Variants in DYM observed in about 807,000 individuals in gnomAD.
DYM encodes dyggve-Melchior-Clausen syndrome protein.
In DYM, 78 loss-of-function variants were observed where a neutral mutation model predicts 93.1. The ratio of observed to expected loss-of-function variants is 0.84; its 90% confidence interval spans 0.70 to 1.01. DYM has a LOEUF of 1.01. DYM is among the 50% of genes least tolerant of loss of function. DYM has a pLI of 0.00. For synonymous variants in DYM, 321 were observed against 319.7 expected, an observed-to-expected ratio of 1.00 and a Z score of -0.04; for missense variants, 789 against 845.0, an observed-to-expected ratio of 0.93 and a Z score of 0.82.
chr18:49,290,983 C>T (rs1178646038), intron 8 of DYM, among the ~76,000 whole-genome samples: 1 of 152,112 alleles, frequency 6.6e-6, no homozygotes, highest in Non-Finnish European at 1.5e-5. Context: ...AGGACAAAGC[C>T]CTGTAATTTT....
intron 15 of DYM, among the ~76,000 whole-genome samples, chr18:49,145,477 C>T (rs1188311381): frequency 1.3e-5 from 2 of 151,934 alleles, no homozygotes; most frequent in Non-Finnish European, 2.9e-5. Context: ...CATCAAAGAA[C>T]AAAAAATATT....
At chr18:49,338,230 A>C (rs1050481871) in intron 6 of DYM, among the ~76,000 whole-genome samples, 1 of 152,212 alleles carries the variant, frequency 6.6e-6, no homozygotes, top group African/African-American at 2.4e-5. Flanking sequence ...AGAATAACTA[A>C]AATGTTTGGA....
At chr18:49,109,052 C>T (rs765551319) in intron 16 of DYM, among the ~76,000 whole-genome samples, 16 of 151,384 alleles carry the variant, frequency 1.1e-4, no homozygotes, top group African/African-American at 2.4e-4. Context: ...TTAATGCTTA[C>T]GTAGTAAAAG....
At chr18:49,152,389 C>T (rs1304467121) in intron 15 of DYM, among the ~76,000 whole-genome samples, 2 of 152,172 alleles carry the variant, frequency 1.3e-5, no homozygotes, top group Non-Finnish European at 2.9e-5. Flanking sequence ...TTGGAACTCT[C>T]AGGTCCTAGC....
intron 1 of DYM, among the ~76,000 whole-genome samples, chr18:49,433,743 C>T (rs1803509611): frequency 6.6e-6 from 1 of 151,976 alleles, no homozygotes; most frequent in African/African-American, 2.4e-5. Flanking sequence ...TGGAGCATGC[C>T]CATAATCCCA....
intron 17 of DYM, among the ~76,000 whole-genome samples, chr18:49,056,783 A>G (rs357896): frequency 0.58 from 88,228 of 151,578 alleles, 28,539 homozygotes; most frequent in Non-Finnish European, 0.73. Context: ...TCCTGACCTC[A>G]TGATCCGCCC....
chr18:49,252,976 T>C lies in DYM; in HGVS notation c.1460+4034A>G, dbSNP rs994930032. On this transcript the variant is annotated intron_variant, in intron 13 of 17. Transcript: ENST00000675505. The stretch of plus-strand genomic sequence containing the variant: ...ACTCAAATTAGATCTGTGATTCTCC[T>C]AGAACACCAAGAGTCTGTAGAAGGC... 3.9e-5 allele frequency among the ~76,000 whole-genome samples: 6 copies of C among 152,294 alleles called. No homozygotes were observed. The East Asian group carries it at 5.8e-4, about 15-fold the overall frequency.
At chr18:49,393,573 C>T (rs571104566) in intron 2 of DYM, 1 of 152,280 alleles carries the variant, frequency 6.6e-6, no homozygotes, top group African/African-American at 2.4e-5. Context: ...GAGTTCAAGA[C>T]CAGCCTGACC....
intron 17 of DYM, among the ~76,000 whole-genome samples, chr18:49,047,305 T>TTC (rs1459532850): frequency 1.3e-5 from 2 of 152,246 alleles, no homozygotes; most frequent in African/African-American, 4.8e-5. Flanking sequence ...CCATCAGTGT[T>TTC]TCCTTCCAGC....
chr18:49,154,403 G>GC (rs934453849), intron 15 of DYM, among the ~76,000 whole-genome samples: 80 of 151,636 alleles, frequency 5.3e-4, no homozygotes, highest in Admixed American at 1.7e-3. Context: ...ATTCATTTTT[G>GC]TTTTTTTTGA....
chr18:49,078,225 AT>A (rs774342946), intron 17 of DYM, among the ~76,000 whole-genome samples: 5 of 152,290 alleles, frequency 3.3e-5, no homozygotes, highest in Non-Finnish European at 7.4e-5. Flanking sequence ...TGAATTGCAT[AT>A]TTTAAAATAA....
Position 49,166,997 on chromosome 18 carries a change from T to C in DYM, c.1626-3210A>G, listed in dbSNP as rs2087968436. 4.2e-4 allele frequency among the ~76,000 whole-genome samples: 12 copies of C among 28,734 alleles called. No individual in the cohort carries two copies. In the South Asian group the frequency reaches 0.014, roughly 34 times the overall value. The allele number at this position is 28,734 out of a possible 152,430, so 18.9% of individuals were successfully genotyped here. ...TGTTCATTCTCACATTCCGTGTGTGTGTGTGTGTGTGTGTGTGTGTGTGTG... is the reference window on the plus strand; with the variant it reads ...TGTTCATTCTCACATTCCGTGTGTGCGTGTGTGTGTGTGTGTGTGTGTGTG... On this transcript the variant is annotated intron_variant, in intron 14 of 17. Transcript: ENST00000675505.
intron 2 of DYM, among the ~76,000 whole-genome samples, chr18:49,421,080 A>G (rs1337467386): frequency 1.3e-5 from 2 of 152,206 alleles, no homozygotes; most frequent in African/African-American, 2.4e-5. Context: ...GGCAGGGCAC[A>G]GCTGAACAAA....
intron 3 of DYM, among the ~76,000 whole-genome samples, chr18:49,386,087 C>T (rs1050501643): frequency 1.3e-5 from 2 of 152,076 alleles, no homozygotes; most frequent in African/African-American, 4.8e-5. Context: ...GCTGGAATTA[C>T]AGGTGTGAGT....
intron 16 of DYM, among the ~76,000 whole-genome samples, chr18:49,104,855 T>C (rs1403434262): frequency 1.3e-5 from 2 of 152,228 alleles, no homozygotes; most frequent in African/African-American, 4.8e-5. Flanking sequence ...ATCAGGGATA[T>C]TGGTCTAAAA....
intron 5 of DYM, chr18:49,368,457 C>CT (rs1371109725): frequency 9.2e-5 from 14 of 152,250 alleles, no homozygotes; most frequent in Admixed American, 9.2e-4. Flanking sequence ...TCCATGCTTT[C>CT]TTTTTTCTCT....
intron 13 of DYM, among the ~76,000 whole-genome samples, chr18:49,229,139 T>G (rs1278910940): frequency 5.8e-5 from 1 of 17,200 alleles, no homozygotes; most frequent in Non-Finnish European, 1.1e-4. Flanking sequence ...AATTTTAGAT[T>G]TATTAACCTA....
Position 49,247,715 on chromosome 18 carries a change from T to C in DYM, c.1460+9295A>G, listed in dbSNP as rs148876316. Among the ~76,000 whole-genome samples, 979 of 152,308 alleles carry C rather than the reference T, an allele frequency of 6.4e-3. 11 individuals are homozygous for C. Among genetic ancestry groups the C allele is most frequent in the African/African-American group, 0.022 (907 of 41,558 alleles). Reference sequence around the variant, plus strand: ...CAGTCTAAACTGAAATTAAACCAATTATGAAGTTTTCTTGTGTCCCATCAA... The same window carrying C: ...CAGTCTAAACTGAAATTAAACCAATCATGAAGTTTTCTTGTGTCCCATCAA... On this transcript the variant is annotated intron_variant, in intron 13 of 17. Coordinates refer to ENST00000675505, the MANE Select transcript of DYM (RefSeq NM_001353214.3).
rs1365626252 is a variant in DYM, at chr18:49,441,305, ATAAT to A, written c.-53-10862_-53-10859del. ...ATAATTATATATAATATAATTATAT[ATAAT>A]TAATATATAATTATATATAATATAA... On this transcript the variant is annotated intron_variant, in intron 1 of 17. Transcript: ENST00000675505. 8.0e-4 allele frequency among the ~76,000 whole-genome samples: 36 copies of A among 44,912 alleles called. 2 individuals carry two copies. In the South Asian group the frequency reaches 0.012, roughly 15 times the overall value. The allele number at this position is 44,912 out of a possible 152,430, so 29.5% of individuals were successfully genotyped here.
Sources: gnomAD v4.1 joint callset for allele counts (sites outside exome capture counted in the v4.1 genomes callset) on GRCh38, gnomAD v4.1.1 for gene constraint, MANE v1.5 for transcripts, NCBI Gene and HGNC (gene_info 2026-07-23, HGNC 2026-07-21) for gene names.